LINGO2: variants seen among roughly 807,000 people sequenced by gnomAD.
LINGO2 encodes leucine-rich repeat and immunoglobulin-like domain-containing nogo receptor-interacting protein 2.
A neutral mutation model predicts 30.6 loss-of-function variants in LINGO2; 14 were observed. That is an observed-to-expected ratio of 0.46 (90% CI 0.30 to 0.72). LINGO2 has a LOEUF of 0.72. Ranked by LOEUF, LINGO2 falls within the 30% of genes least tolerant of loss-of-function variation. The pLI is 0.07. For missense variants in LINGO2, 729 were observed against 751.7 expected, an observed-to-expected ratio of 0.97 and a Z score of 0.35; for synonymous variants, 317 against 288.5, an observed-to-expected ratio of 1.10 and a Z score of -1.00.
the LINGO2 span, among the ~76,000 whole-genome samples, chr9:29,000,016 T>C: frequency 6.6e-6 from 1 of 152,028 alleles, no homozygotes; most frequent in African/African-American, 2.4e-5. Context: ...ATGTCATACA[T>C]ATTTCATTTA....
intron 4 of LINGO2, among the ~76,000 whole-genome samples, chr9:28,125,473 A>C (rs1226057001): frequency 6.6e-6 from 1 of 152,240 alleles, no homozygotes; most frequent in Non-Finnish European, 1.5e-5. Flanking sequence ...GGCACTCTGG[A>C]CATAAAGTAT....
At chr9:28,494,709 TTATA>T (rs1819530314) in intron 1 of LINGO2, among the ~76,000 whole-genome samples, 1 of 152,218 alleles carries the variant, frequency 6.6e-6, no homozygotes, top group African/African-American at 2.4e-5. Context: ...GCAGCATGAT[TTATA>T]ATCCTTTGGG....
At chr9:28,766,969 G>C in the LINGO2 span, among the ~76,000 whole-genome samples, 1 of 152,098 alleles carries the variant, frequency 6.6e-6, no homozygotes, top group Non-Finnish European at 1.5e-5. Flanking sequence ...AAAATGTATA[G>C]AAACACATAC....
intron 1 of LINGO2, among the ~76,000 whole-genome samples, chr9:28,553,563 G>GA (rs1822442667): frequency 6.6e-6 from 1 of 152,056 alleles, no homozygotes; most frequent in Non-Finnish European, 1.5e-5. Context: ...AACCAAGTTG[G>GA]AAAACACTCT....
chr9:27,987,462 A>T (rs917078865), intron 5 of LINGO2, among the ~76,000 whole-genome samples: 3 of 151,858 alleles, frequency 2.0e-5, no homozygotes, highest in Non-Finnish European at 4.4e-5. Context: ...TAGTTGCTTT[A>T]AGTATAGATT....
At chr9:28,241,629 T>A (rs1821804214) in intron 4 of LINGO2, among the ~76,000 whole-genome samples, 1 of 152,126 alleles carries the variant, frequency 6.6e-6, no homozygotes, top group Non-Finnish European at 1.5e-5. Flanking sequence ...ACAGCCAAAG[T>A]GCCTTGTTAA....
At chr9:29,076,860 T>G in the LINGO2 span, among the ~76,000 whole-genome samples, 3 of 152,008 alleles carry the variant, frequency 2.0e-5, no homozygotes, top group Non-Finnish European at 4.4e-5. Flanking sequence ...GTGTTCAGAA[T>G]AATGTATGGA....
At chr9:28,703,133 A>AT in the LINGO2 span, among the ~76,000 whole-genome samples, 1 of 150,504 alleles carries the variant, frequency 6.6e-6, no homozygotes, top group Non-Finnish European at 1.5e-5. Context: ...TTTCTGCTCC[A>AT]TTTTTTGTTT....
chr9:29,074,291 T>C, the LINGO2 span, among the ~76,000 whole-genome samples: 183 of 144,866 alleles, frequency 1.3e-3, no homozygotes, highest in African/African-American at 4.5e-3. Context: ...TCATTATATA[T>C]TGATGTCTTA....
At chr9:28,025,246 A>C (rs1400886316) in intron 4 of LINGO2, among the ~76,000 whole-genome samples, 2 of 152,180 alleles carry the variant, frequency 1.3e-5, no homozygotes, top group East Asian at 1.9e-4. Context: ...TGCTGAGAAG[A>C]CCAAGACAAA....
the LINGO2 span, among the ~76,000 whole-genome samples, chr9:29,175,147 T>A: frequency 6.6e-6 from 1 of 152,104 alleles, no homozygotes; most frequent in Non-Finnish European, 1.5e-5. Flanking sequence ...TAATCCCAGC[T>A]ACTCGGGAGG....
At chr9:28,226,391 C>A (rs976067170) in intron 4 of LINGO2, among the ~76,000 whole-genome samples, 2 of 151,942 alleles carry the variant, frequency 1.3e-5, no homozygotes, top group African/African-American at 4.8e-5. Flanking sequence ...TTCCCAGTCT[C>A]TTATATATAC....
chr9:28,314,341 T>C (rs1824754691), intron 3 of LINGO2, among the ~76,000 whole-genome samples: 1 of 152,182 alleles, frequency 6.6e-6, no homozygotes, highest in African/African-American at 2.4e-5. Flanking sequence ...AGTTGATCAA[T>C]AAATCCACAA....
intron 2 of LINGO2, among the ~76,000 whole-genome samples, chr9:28,403,712 G>T (rs1013794961): frequency 6.7e-6 from 1 of 148,276 alleles, no homozygotes; most frequent in African/African-American, 2.5e-5. Context: ...AGAATAATAT[G>T]CATGAAACTT....
the LINGO2 span, among the ~76,000 whole-genome samples, chr9:28,895,018 T>C: frequency 6.6e-6 from 1 of 152,116 alleles, no homozygotes; most frequent in Non-Finnish European, 1.5e-5. Context: ...TTTATGCCTA[T>C]ATGTGCATGA....
At chr9:28,574,408 T>TAGTG (rs1422615946) in intron 1 of LINGO2, among the ~76,000 whole-genome samples, 1 of 152,194 alleles carries the variant, frequency 6.6e-6, no homozygotes, top group Non-Finnish European at 1.5e-5. Flanking sequence ...AGTCACTGTT[T>TAGTG]AGTGTGTCAT....
chr9:28,154,961 T>C (rs1367868698), intron 4 of LINGO2, among the ~76,000 whole-genome samples: 1 of 152,190 alleles, frequency 6.6e-6, no homozygotes, highest in Non-Finnish European at 1.5e-5. Flanking sequence ...GTGAAAATCA[T>C]TGGTATATTG....
At chr9:28,743,457 G>C in the LINGO2 span, among the ~76,000 whole-genome samples, 1 of 151,946 alleles carries the variant, frequency 6.6e-6, no homozygotes, top group African/African-American at 2.4e-5. Flanking sequence ...TCCTGTGCTA[G>C]TTTGCTGAGA....
chr9:28,174,921 T>TGTGTGTGA (rs962695032), intron 4 of LINGO2, among the ~76,000 whole-genome samples: 14 of 133,418 alleles, frequency 1.0e-4, no homozygotes, highest in South Asian at 7.7e-4. Flanking sequence ...TGTGTGTGTG[T>TGTGTGTGA]GAGAGAGAGA....
Sources: allele counts gnomAD v4.1 joint callset (sites outside exome capture counted in the v4.1 genomes callset), GRCh38; gene constraint gnomAD v4.1.1; transcripts MANE v1.5; gene names NCBI Gene and HGNC (gene_info 2026-07-23, HGNC 2026-07-21).